Variants in ADCY3 observed in about 807,000 individuals in gnomAD.
ADCY3 encodes adenylate cyclase type 3.
A neutral mutation model predicts 119.4 loss-of-function variants in ADCY3; 70 were observed. That is an observed-to-expected ratio of 0.59 (90% CI 0.48 to 0.72). The LOEUF is 0.72. Among genes scored for constraint, ADCY3 ranks in the 30% least tolerant of loss-of-function variants. ADCY3 has a pLI of 0.00. For missense variants in ADCY3, 1,238 were observed against 1,541.6 expected (o/e 0.80, Z 3.30); for synonymous variants, 672 against 621.4 (o/e 1.08, Z -1.21).
chr2:24,838,170 G>T (rs542560995), intron 8 of ADCY3, among the ~76,000 whole-genome samples: 3 of 151,238 alleles, frequency 2.0e-5, no homozygotes, highest in African/African-American at 7.3e-5. Flanking sequence ...GCTCTCCTGG[G>T]CGCCACCGAC....
chr2:24,901,070 A>G (rs2148990876), intron 2 of ADCY3, among the ~76,000 whole-genome samples: 1 of 152,338 alleles, frequency 6.6e-6, no homozygotes, highest in South Asian at 2.1e-4. Context: ...CGTCTCAAAA[A>G]AAAGGAAAAT....
At chr2:24,887,788 G>A (rs1261377675) in intron 2 of ADCY3, among the ~76,000 whole-genome samples, 1 of 152,150 alleles carries the variant, frequency 6.6e-6, no homozygotes, top group East Asian at 1.9e-4. Flanking sequence ...TGCCTCCCCT[G>A]CGAAATGCAA....
In ADCY3 at chr2:24,828,167, G is replaced by A. The variant is rs752598507; in HGVS notation, c.2173-6C>T. 5.0e-6 allele frequency: 8 copies of A among 1,612,472 alleles called. No individual in the cohort carries two copies. In the East Asian group the frequency reaches 1.8e-4, roughly 36 times the overall value. On this transcript the variant is annotated splice_polypyrimidine_tract_variant and splice_region_variant and intron_variant, in intron 13 of 21. Transcript: ENST00000679454. ...TAGTACTGGAGACAGCTGAGCTGGA[G>A]GCCAGGACGGCGGGCAGGGACACAC...
intron 2 of ADCY3, among the ~76,000 whole-genome samples, chr2:24,903,471 C>T (rs186511780): frequency 1.3e-5 from 2 of 152,166 alleles, no homozygotes; most frequent in Non-Finnish European, 2.9e-5. Context: ...CTGCGCTTCC[C>T]GGGGGGAGCC....
intron 2 of ADCY3, among the ~76,000 whole-genome samples, chr2:24,910,905 A>G (rs1282172984): frequency 6.6e-6 from 1 of 152,070 alleles, no homozygotes; most frequent in Admixed American, 6.6e-5. Context: ...TCGGCCTTCC[A>G]AAGTGCCGGG....
intron 2 of ADCY3, among the ~76,000 whole-genome samples, chr2:24,879,023 AACAACTGGCAG>A (rs1676052320): frequency 6.6e-6 from 1 of 152,336 alleles, no homozygotes; most frequent in East Asian, 1.9e-4. Flanking sequence ...AGCCATAGGC[AACAACTGGCAG>A]ATGGAGGGGC....
rs201845645 is a variant in ADCY3, at chr2:24,841,401, C to A, written c.1069-15G>T. 6.2e-7 allele frequency: 1 copy of A among 1,610,090 alleles called. No homozygotes were observed. The highest frequency in any genetic ancestry group is 8.5e-7 in the Non-Finnish European group (1 of 1,178,480). Reference sequence around the variant, plus strand: ...TGGTGGTATTTCTGAAAGGGGAGGGCCTGGCCTGTGCTCCAGCCCCTCCTC... The same window carrying A: ...TGGTGGTATTTCTGAAAGGGGAGGGACTGGCCTGTGCTCCAGCCCCTCCTC... On this transcript the variant is annotated splice_polypyrimidine_tract_variant and intron_variant, in intron 5 of 21. Transcript: ENST00000679454. This position sits in a 1 kb window ranked among gnomAD's most constrained non-coding sequence, Gnocchi z 5.8.
At chr2:24,902,010 T>C (rs1447913090) in intron 2 of ADCY3, among the ~76,000 whole-genome samples, 1 of 151,252 alleles carries the variant, frequency 6.6e-6, no homozygotes, top group Non-Finnish European at 1.5e-5. Context: ...TACTGAATTT[T>C]AGTAGATGGC....
intron 2 of ADCY3, among the ~76,000 whole-genome samples, chr2:24,890,416 TG>T (rs1677528386): frequency 6.6e-6 from 1 of 152,248 alleles, no homozygotes; most frequent in Non-Finnish European, 1.5e-5. Flanking sequence ...CATTTTTAAA[TG>T]TCTGATGAAA....
At chr2:24,822,336 G>T in intron 19 of ADCY3, 175 bp downstream of exon 19, 1 of 911,084 alleles carries the variant, frequency 1.1e-6, no homozygotes, top group Non-Finnish European at 1.6e-6. Flanking sequence ...CTGTTTCTCT[G>T]CTTGCCGAAC....
rs772676918 is a variant in ADCY3 at position 24,820,086 on chromosome 2, C to T, written c.3281G>A (p.Arg1094Gln). 1.3e-5 allele frequency: 20 copies of T among 1,483,048 alleles called. No individual in the cohort carries two copies. The highest frequency in any genetic ancestry group is 8.5e-5 in the South Asian group (7 of 82,684). The allele number at this position is 1,483,048 out of a possible 1,614,324, so 91.9% of individuals were successfully genotyped here. ...QVVEETQVIL[R>Q]EYGFRFVRRG... is the part of the protein sequence containing the mutation. ...CCTCACAAAGCGGAAGCCGTACTCT[C>T]GGAGGATGACTTGGGTTTCTTCTAC... Residue 1094 changes from arginine to glutamine, a missense_variant, in exon 22 of 22, where the codon CGA becomes CAA. This residue lies in a region of ADCY3 where 86 missense variants were observed against 70.7 expected (regional missense o/e 1.22). Transcript: ENST00000679454.
rs906720318 is a variant in ADCY3 at position 24,824,273 on chromosome 2, G to C, written c.2736+105C>G. ...TAGGTTCAGCCCTACCTAGGCCCCA[G>C]TCCCCTGTCCCTGAGAAGGCCTGGG... On this transcript the variant is annotated intron_variant, in intron 17 of 21. Coordinates refer to ENST00000679454, the MANE Select transcript of ADCY3 (RefSeq NM_004036.5). 4.2e-5 allele frequency: 61 copies of C among 1,444,248 alleles called. No homozygotes were observed. The East Asian group carries it at 1.4e-3, about 33-fold the overall frequency. 89.5% of individuals were successfully genotyped at this position (1,444,248 alleles called of 1,614,324 possible).
Position 24,834,493 on chromosome 2 carries a change from G to A in ADCY3, c.1959C>T (p.Ile653=), listed in dbSNP as rs140114589. The A allele has an allele frequency of 1.5e-4, 238 of 1,605,258 alleles. No individual in the cohort carries two copies. In the African/African-American group the frequency reaches 2.0e-3, roughly 14 times the overall value. ...CCCGGCCCCTCCCTCACCAGGGGTC[G>A]ATGAGTATCTCGACCAGGGCCGTGC... ...LLCTALVEIL[I]DPWLMTNYVT... Residue 653 remains isoleucine, a synonymous_variant, in exon 11 of 22, where the codon ATC becomes ATT. Coordinates refer to ENST00000679454, the MANE Select transcript of ADCY3 (RefSeq NM_004036.5). This position sits in a 1 kb window ranked among gnomAD's most constrained non-coding sequence, Gnocchi z 4.2.
intron 2 of ADCY3, among the ~76,000 whole-genome samples, chr2:24,917,751 C>T (rs1664628887): frequency 1.3e-5 from 2 of 152,178 alleles, no homozygotes; most frequent in Non-Finnish European, 2.9e-5. Flanking sequence ...CCAGGCACCC[C>T]GAGCTCCCGG....
At chr2:24,825,876 A>T (rs1668549257) in intron 16 of ADCY3, 169 bp downstream of exon 16, 1 of 643,648 alleles carries the variant, frequency 1.6e-6, no homozygotes, top group Non-Finnish European at 2.8e-6. Context: ...TGTGTGACTG[A>T]GGAAGGAGCC....
Position 24,826,061 on chromosome 2 carries a change from T to A in ADCY3, c.2561A>T (p.Tyr854Phe). The A allele has an allele frequency of 2.5e-6, 4 of 1,614,058 alleles. No individual in the cohort carries two copies. Among genetic ancestry groups the A allele is most frequent in the Non-Finnish European group, 3.4e-6 (4 of 1,180,000 alleles). ...GGCACTCACGTGGCGGGAGAAGTAG[T>A]AGAAGCTGAGCATCATGAGGAACAC... ...VMVFLMMLSF[Y>F]YFSRHVEKLA... The change falls in exon 16 of 22, where the codon TAC (tyrosine) becomes TTC (phenylalanine). Residue 854 changes from tyrosine (Y) to phenylalanine (F), a missense_variant. Tyr to Phe is a conservative substitution (Grantham distance 22). Transcript: ENST00000679454.
chr2:24,820,877 G>A, intron 20 of ADCY3, 29 bp from the exon 21 acceptor site: 1 of 1,611,046 alleles, frequency 6.2e-7, no homozygotes, highest in Non-Finnish European at 8.5e-7. Flanking sequence ...GTTCAGCACA[G>A]CCACAGGCCA....
chr2:24,864,288 CA>C (rs929916342), intron 3 of ADCY3, among the ~76,000 whole-genome samples: 1 of 151,198 alleles, frequency 6.6e-6, no homozygotes, highest in East Asian at 1.9e-4. Flanking sequence ...GACTCTGTCT[CA>C]AAAAAACAAA....
At chr2:24,876,490 T>C (rs947105169) in intron 2 of ADCY3, among the ~76,000 whole-genome samples, 3 of 152,236 alleles carry the variant, frequency 2.0e-5, no homozygotes, top group Non-Finnish European at 4.4e-5. Context: ...GATTCAGAAA[T>C]TTCCTGTTTC....
Sources: gnomAD v4.1 joint callset for allele counts (sites outside exome capture counted in the v4.1 genomes callset) on GRCh38, gnomAD v4.1.1 for gene constraint, gnomAD v4.1.1 regional missense constraint, Gnocchi (gnomAD v3.1) non-coding constraint, MANE v1.5 for transcripts, NCBI Gene and HGNC (gene_info 2026-07-23, HGNC 2026-07-21) for gene names.